Variants in DHX15 observed in about 807,000 individuals in gnomAD.
DHX15 encodes ATP-dependent RNA helicase DHX15.
DHX15 carries 11 observed loss-of-function variants against 94.4 expected under a neutral mutation model. The ratio of observed to expected loss-of-function variants is 0.12; its 90% CI spans 0.07 to 0.19. The LOEUF is 0.19. DHX15 is among the 10% of genes least tolerant of loss of function. DHX15 has a pLI of 1.00. For missense variants in DHX15, 304 were observed against 988.5 expected, an observed-to-expected ratio of 0.31 and a Z score of 9.29; for synonymous variants, 338 against 329.9, an observed-to-expected ratio of 1.02 and a Z score of -0.27.
chr4:24,537,238 G>C lies in DHX15; in HGVS notation c.1787-65C>G. 1 of 1,602,708 alleles carries C rather than the reference G, an allele frequency of 6.2e-7. No individual in the cohort carries two copies. The highest frequency in any genetic ancestry group is 8.5e-7 in the Non-Finnish European group (1 of 1,173,638). On this transcript the variant is annotated intron_variant, in intron 10 of 13. Transcript: ENST00000336812. The surrounding 1 kb of genome is among the most constrained non-coding windows in gnomAD (Gnocchi z 4.7). ...TCGATGAGTCACGCATTCACAGATA[G>C]AGGAACAAGGCCTAGCTAGGTCAGT...
chr4:24,553,485 A>C (rs1721656745), intron 5 of DHX15, among the ~76,000 whole-genome samples: 1 of 151,966 alleles, frequency 6.6e-6, no homozygotes, highest in South Asian at 2.1e-4. Context: ...TCAAAAAAGC[A>C]TTTTGGGGCC....
Position 24,537,448 on chromosome 4 carries a change from G to GA in DHX15, c.1787-276dup, listed in dbSNP as rs1483468215. The GA allele has an allele frequency of 3.8e-6, 1 of 262,664 alleles. No individual in the cohort carries two copies. Among genetic ancestry groups the GA allele is most frequent in the Non-Finnish European group, 7.2e-6 (1 of 139,156 alleles). 16.3% of individuals were successfully genotyped at this position (262,664 alleles called of 1,614,324 possible). ...AAACAGCTATTCTGAAGGCCATCAG[G>GA]ATACTAAAAAGCTCAACTTATTTAA... is the stretch of plus-strand genomic sequence containing the variant. On this transcript the variant is annotated intron_variant, in intron 10 of 13. Transcript: ENST00000336812. This position sits in a 1 kb window ranked among gnomAD's most constrained non-coding sequence, Gnocchi z 4.7.
At position 24,546,506 on chromosome 4, in the gene DHX15, G is replaced by A. The variant is rs141053488; in HGVS notation, c.1248+2349C>T. On this transcript the variant is annotated intron_variant, in intron 6 of 13. Transcript: ENST00000336812. ...TACTGAAGAGTAAACTTGAATGCAT[G>A]TAAAGAATTACTGTAACTTTTAACT... Among the ~76,000 whole-genome samples the A allele has an allele frequency of 3.8e-4, 58 of 152,298 alleles. 1 individual carries two copies. In the East Asian group the frequency reaches 9.6e-3, roughly 25 times the overall value.
In DHX15 at chr4:24,527,695, C is replaced by T. The variant is rs1318765791; in HGVS notation, c.*229G>A. On this transcript the variant is annotated 3_prime_UTR_variant, in exon 14 of 14. Coordinates refer to ENST00000336812, the MANE Select transcript of DHX15 (RefSeq NM_001358.3). ...TATATATAGAACTACTTTCAATAAA[C>T]TGCAAAACATTGATCGACTTTTCCA... The T allele has an allele frequency of 4.5e-6, 2 of 445,354 alleles. No homozygotes were observed. The highest frequency in any genetic ancestry group is 6.7e-5 in the East Asian group (2 of 29,646). The allele number at this position is 445,354 out of a possible 1,614,324, so 27.6% of individuals were successfully genotyped here. A position where few individuals can be genotyped will look rare whatever the true frequency, so the allele number is the denominator to read the frequency against.
In DHX15 at chr4:24,527,633, T is replaced by C; in HGVS notation, c.*291A>G. On this transcript the variant is annotated 3_prime_UTR_variant, in exon 14 of 14. Transcript: ENST00000336812. ...GGTCGATAATCACATTTTAGAAGCATTTTCAACCATTTCTAAAGAAATGCT... is the reference window on the plus strand; with the variant it reads ...GGTCGATAATCACATTTTAGAAGCACTTTCAACCATTTCTAAAGAAATGCT... 3.7e-6 allele frequency: 1 copy of C among 267,814 alleles called. No homozygotes were observed. Among genetic ancestry groups the C allele is most frequent in the Non-Finnish European group, 7.1e-6 (1 of 141,086 alleles). The allele number at this position is 267,814 out of a possible 1,614,324, so 16.6% of individuals were successfully genotyped here. A position where few individuals can be genotyped will look rare whatever the true frequency, so the allele number is the denominator to read the frequency against.
At chr4:24,576,185 C>T (rs978509255) in intron 2 of DHX15, 58 bp downstream of exon 2, 5 of 1,376,792 alleles carry the variant, frequency 3.6e-6, no homozygotes, top group Middle Eastern at 3.7e-4. Flanking sequence ...ATCAAATATG[C>T]AACATTTGGT....
At chr4:24,547,913 ATATATATATATATATATATATATATATAT>A in intron 6 of DHX15, among the ~76,000 whole-genome samples, 1 of 32,132 alleles carries the variant, frequency 3.1e-5, no homozygotes, top group Non-Finnish European at 5.7e-5. Context: ...GTATATATAT[ATATATATATATATATATATATATATATAT>A]CTATATCTAT....
chr4:24,576,323 T>C lies in DHX15; in HGVS notation c.427A>G (p.Lys143Glu). Residue 143 changes from lysine to glutamate, a missense_variant, in exon 2 of 14, where the codon AAG (lysine) becomes GAG (glutamate). Coordinates refer to ENST00000336812, the MANE Select transcript of DHX15 (RefSeq NM_001358.3). ...KRLQLPVWEY[K>E]DRFTDILVRH... ...ACCAGAATATCTGTAAACCTATCCT[T>C]GTATTCCCAAACAGGGAGCTGAAGA... 6.2e-7 allele frequency: 1 copy of C among 1,614,226 alleles called. No homozygotes were observed.
chr4:24,552,571 G>A (rs185867914), intron 5 of DHX15, among the ~76,000 whole-genome samples: 2 of 152,292 alleles, frequency 1.3e-5, no homozygotes, highest in African/African-American at 4.8e-5. Context: ...ATGAAGAAAG[G>A]AGTACTGATT....
chr4:24,547,079 G>A (rs1001642691), intron 6 of DHX15, among the ~76,000 whole-genome samples: 3 of 152,114 alleles, frequency 2.0e-5, no homozygotes, highest in Non-Finnish European at 2.9e-5. Context: ...TGAAAATGAT[G>A]CAGCAACTGC....
chr4:24,537,726 A>T lies in DHX15; in HGVS notation c.1787-553T>A, dbSNP rs1159981247. Reference sequence around the variant, plus strand: ...TATCACTATTAGCACCGGTGAGCAGAAGCATATGTAAACATAAAAATATCA... The same window carrying T: ...TATCACTATTAGCACCGGTGAGCAGTAGCATATGTAAACATAAAAATATCA... On this transcript the variant is annotated intron_variant, in intron 10 of 13. Transcript: ENST00000336812. This position sits in a 1 kb window ranked among gnomAD's most constrained non-coding sequence, Gnocchi z 4.7. 6.6e-6 allele frequency: 1 copy of T among 152,208 alleles called. No individual in the cohort carries two copies. The highest frequency in any genetic ancestry group is 1.9e-4 in the East Asian group (1 of 5,190). The allele number at this position is 152,208 out of a possible 1,614,324, so 9.4% of individuals were successfully genotyped here.
At position 24,584,375 on chromosome 4, in the gene DHX15, A is replaced by G. The variant is rs1463948261; in HGVS notation, c.19T>C (p.Leu7=). 1.9e-6 allele frequency: 3 copies of G among 1,613,014 alleles called. No homozygotes were observed. Among genetic ancestry groups the G allele is most frequent in the Admixed American group, 3.3e-5 (2 of 59,924 alleles). The change falls in exon 1 of 14, where the codon TTG becomes CTG. Residue 7 remains leucine (L), a synonymous_variant. Coordinates refer to ENST00000336812, the MANE Select transcript of DHX15 (RefSeq NM_001358.3). ...GAGGGGTAATCCTCCCCTAGGTCCA[A>G]CCGGTGCCGCTTGGACATCCTCGCA... MSKRHR[L]DLGEDYPSGK...
chr4:24,578,812 C>G (rs1413043239), intron 1 of DHX15, among the ~76,000 whole-genome samples: 1 of 152,138 alleles, frequency 6.6e-6, no homozygotes, highest in African/African-American at 2.4e-5. Flanking sequence ...CAATCTCTTG[C>G]TTCAGCCTCC....
intron 11 of DHX15, among the ~76,000 whole-genome samples, chr4:24,534,884 A>T (rs548281608): frequency 1.1e-4 from 17 of 152,108 alleles, no homozygotes; most frequent in African/African-American, 4.1e-4. Context: ...AAAATATTCC[A>T]AATATTTTCA....
At chr4:24,580,075 T>C (rs1722374735) in intron 1 of DHX15, among the ~76,000 whole-genome samples, 1 of 152,192 alleles carries the variant, frequency 6.6e-6, no homozygotes, top group African/African-American at 2.4e-5. Context: ...ATATTGGTTA[T>C]TATTAAAGAT....
In DHX15 at chr4:24,570,796, C is replaced by T; in HGVS notation, c.559G>A (p.Gly187Arg). The change falls in exon 3 of 14, where the codon GGA becomes AGA. Residue 187 changes from glycine (G) to arginine (R), a missense_variant. Coordinates refer to ENST00000336812, the MANE Select transcript of DHX15 (RefSeq NM_001358.3). The part of the protein sequence containing the change: ...YMRSLPGPKR[G>R]VACTQPRRVA... ...CTCCTGGGTTGGGTACAGGCAACTC[C>T]TCTCTTGGGTCCTGGTAATGATCGC... 6.2e-7 allele frequency: 1 copy of T among 1,614,178 alleles called. No homozygotes were observed. The highest frequency in any genetic ancestry group is 8.5e-7 in the Non-Finnish European group (1 of 1,180,044).
intron 5 of DHX15, among the ~76,000 whole-genome samples, chr4:24,550,354 T>G (rs1216194211): frequency 6.6e-6 from 1 of 152,152 alleles, no homozygotes; most frequent in Non-Finnish European, 1.5e-5. Flanking sequence ...CTTAGCTTAC[T>G]ACAACTTTTT....
At chr4:24,528,680 G>C (rs930551986) in intron 13 of DHX15, among the ~76,000 whole-genome samples, 2 of 152,120 alleles carry the variant, frequency 1.3e-5, no homozygotes, top group African/African-American at 4.8e-5. Context: ...TCCTGTCATA[G>C]GTTATAGAAT....
intron 5 of DHX15, among the ~76,000 whole-genome samples, chr4:24,551,335 A>G (rs2109404331): frequency 6.6e-6 from 1 of 152,328 alleles, no homozygotes; most frequent in Middle Eastern, 3.4e-3. Context: ...CAATGATACT[A>G]AACGGTGAGG....
Sources: gnomAD v4.1 joint callset for allele counts (sites outside exome capture counted in the v4.1 genomes callset) on GRCh38, gnomAD v4.1.1 for gene constraint, Gnocchi (gnomAD v3.1) non-coding constraint, MANE v1.5 for transcripts, NCBI Gene and HGNC (gene_info 2026-07-23, HGNC 2026-07-21) for gene names.